Variants in ATXN8OS observed in about 807,000 individuals in gnomAD.
ATXN8OS encodes the protein ATXN8 opposite strand lncRNA.
intron 4 of ATXN8OS, among the ~76,000 whole-genome samples, chr13:70,149,129 T>G (rs1888828029): frequency 6.6e-6 from 1 of 152,124 alleles, no homozygotes; most frequent in Non-Finnish European, 1.5e-5. Context: ...TAATTTAATA[T>G]TAATTGTTTT....
intron 4 of ATXN8OS, among the ~76,000 whole-genome samples, chr13:70,156,607 C>T (rs912186743): frequency 6.6e-6 from 1 of 151,664 alleles, no homozygotes; most frequent in Non-Finnish European, 1.5e-5. Context: ...ACACGTTACT[C>T]TTTTTTTTGA....
chr13:70,130,726 C>A (rs1888519775), intron 3 of ATXN8OS: 1 of 398,270 alleles, frequency 2.5e-6, no homozygotes, highest in Admixed American at 4.4e-5. Flanking sequence ...ATATATCTGG[C>A]ATAATCCAAG....
At chr13:70,168,256 T>C (rs1889101671) in intron 4 of ATXN8OS, among the ~76,000 whole-genome samples, 1 of 152,128 alleles carries the variant, frequency 6.6e-6, no homozygotes, top group South Asian at 2.1e-4. Flanking sequence ...TCTACATTTT[T>C]ATGGGGTACA....
chr13:70,146,339 T>C (rs1386203481), intron 3 of ATXN8OS, among the ~76,000 whole-genome samples: 1 of 150,312 alleles, frequency 6.7e-6, no homozygotes, highest in Middle Eastern at 3.4e-3. Context: ...GTTCAACCAT[T>C]GTGGAAGTCA....
chr13:70,146,950 C>T (rs1202274614), intron 3 of ATXN8OS, among the ~76,000 whole-genome samples: 1 of 152,038 alleles, frequency 6.6e-6, no homozygotes. Context: ...CATAATATAT[C>T]TTGATGTTAG....
intron 2 of ATXN8OS, among the ~76,000 whole-genome samples, chr13:70,117,242 G>T (rs1012075602): frequency 6.6e-6 from 1 of 151,866 alleles, no homozygotes; most frequent in Non-Finnish European, 1.5e-5. Flanking sequence ...ATACACATAT[G>T]CACACACAAA....
At chr13:70,144,135 G>T (rs302013) in intron 3 of ATXN8OS, among the ~76,000 whole-genome samples, 132,275 of 152,082 alleles carry the variant, frequency 0.87, 57,714 homozygotes, top group East Asian at 1. Flanking sequence ...AATATTTTTA[G>T]TTTTCTTATT....
intron 2 of ATXN8OS, among the ~76,000 whole-genome samples, chr13:70,122,925 C>T (rs960448608): frequency 1.3e-5 from 2 of 151,972 alleles, no homozygotes; most frequent in African/African-American, 4.8e-5. Context: ...CTTGTGTAAA[C>T]TTGAAATAAT....
At chr13:70,130,212 T>C (rs868316222) in intron 3 of ATXN8OS, among the ~76,000 whole-genome samples, 66 of 152,286 alleles carry the variant, frequency 4.3e-4, no homozygotes, top group African/African-American at 1.5e-3. Context: ...TTTCTTTTTT[T>C]ATTACATGTA....
intron 4 of ATXN8OS, among the ~76,000 whole-genome samples, chr13:70,165,003 T>G (rs1249259787): frequency 6.6e-6 from 1 of 151,964 alleles, no homozygotes; most frequent in Non-Finnish European, 1.5e-5. Context: ...AGGTAAACAT[T>G]CTGATAAAAA....
At chr13:70,108,239 G>T in intron 1 of ATXN8OS, 1 of 389,474 alleles carries the variant, frequency 2.6e-6, no homozygotes, top group Non-Finnish European at 4.5e-6. Context: ...CCCCTCGCCA[G>T]ATCTCTTGGT....
intron 3 of ATXN8OS, chr13:70,130,912 T>C (rs1024650017): frequency 7.5e-6 from 3 of 398,242 alleles, no homozygotes; most frequent in African/African-American, 6.2e-5. Flanking sequence ...TATAGATAAA[T>C]CTCTCATGTT....
chr13:70,143,726 G>A (rs148153980), intron 3 of ATXN8OS, among the ~76,000 whole-genome samples: 1,624 of 152,068 alleles, frequency 0.011, 15 homozygotes, highest in Non-Finnish European at 0.016. Flanking sequence ...ATATACTACT[G>A]GAACTCTATG....
chr13:70,126,004 G>A (rs182233410), intron 2 of ATXN8OS, among the ~76,000 whole-genome samples: 90 of 152,182 alleles, frequency 5.9e-4, no homozygotes, highest in Middle Eastern at 6.8e-3. Context: ...AAATCATCTG[G>A]TGCTACTAAC....
intron 2 of ATXN8OS, among the ~76,000 whole-genome samples, chr13:70,115,670 A>T (rs1888268980): frequency 6.6e-6 from 1 of 152,142 alleles, no homozygotes; most frequent in Non-Finnish European, 1.5e-5. Context: ...GGCATGAAAC[A>T]CCAGTAAATA....
chr13:70,151,176 T>C (rs905308852), intron 4 of ATXN8OS, among the ~76,000 whole-genome samples: 14 of 152,080 alleles, frequency 9.2e-5, no homozygotes, highest in African/African-American at 3.1e-4. Context: ...AGCTACACTT[T>C]TAAATTTTTC....
At chr13:70,126,056 T>C (rs1888429378) in intron 2 of ATXN8OS, among the ~76,000 whole-genome samples, 1 of 152,162 alleles carries the variant, frequency 6.6e-6, no homozygotes, top group South Asian at 2.1e-4. Flanking sequence ...AAGAAGGACC[T>C]TCCTGGTTTT....
chr13:70,108,321 A>T (rs1441962378), intron 1 of ATXN8OS: 1 of 319,658 alleles, frequency 3.1e-6, no homozygotes, highest in East Asian at 5.1e-5. Flanking sequence ...GAGAAAGTCA[A>T]TTGCTTTCTG....
At chr13:70,164,817 A>T (rs925893177) in intron 4 of ATXN8OS, among the ~76,000 whole-genome samples, 1 of 152,024 alleles carries the variant, frequency 6.6e-6, no homozygotes, top group African/African-American at 2.4e-5. Flanking sequence ...CTAGAAAATG[A>T]TTGCTCCATG....
Sources: allele counts gnomAD v4.1 joint callset (sites outside exome capture counted in the v4.1 genomes callset), GRCh38; gene constraint gnomAD v4.1.1; transcripts MANE v1.5; gene names NCBI Gene and HGNC (gene_info 2026-07-23, HGNC 2026-07-21).